The following FBXW11 variants were observed in gnomAD, a reference collection of about 807,000 sequenced individuals.
The protein encoded by FBXW11 is F-box and WD repeat domain containing 11.
In FBXW11, 19 loss-of-function variants were observed where a neutral mutation model predicts 77.6. The ratio of observed to expected loss-of-function variants is 0.24; its 90% CI spans 0.17 to 0.36. FBXW11 has a LOEUF of 0.36. Among genes scored for constraint, FBXW11 ranks in the 10% least tolerant of loss-of-function variants. FBXW11 has a pLI of 1.00. For missense variants in FBXW11, 334 were observed against 704.2 expected (o/e 0.47, Z 5.95); for synonymous variants, 235 against 249.4 (o/e 0.94, Z 0.54).
At chr5:171,903,223 A>G (rs1760257130) in intron 4 of FBXW11, among the ~76,000 whole-genome samples, 1 of 152,070 alleles carries the variant, frequency 6.6e-6, no homozygotes, top group Admixed American at 6.5e-5. Context: ...CAACCTCCCA[A>G]GTAACTAGGA....
chr5:171,960,917 A>C (rs1763873297), intron 1 of FBXW11, among the ~76,000 whole-genome samples: 1 of 152,216 alleles, frequency 6.6e-6, no homozygotes, highest in African/African-American at 2.4e-5. Context: ...GATTTTTAAA[A>C]GACCCTCTGA....
At chr5:171,932,806 T>C (rs1016329508) in intron 2 of FBXW11, among the ~76,000 whole-genome samples, 3 of 151,934 alleles carry the variant, frequency 2.0e-5, no homozygotes, top group African/African-American at 7.3e-5. Flanking sequence ...GCCAAAATGT[T>C]CTTCAATAGG....
chr5:171,917,252 T>A (rs1226772425), intron 2 of FBXW11, among the ~76,000 whole-genome samples: 1 of 152,182 alleles, frequency 6.6e-6, no homozygotes, highest in African/African-American at 2.4e-5. Context: ...CTAAAAGCTT[T>A]TGAAATATAG....
At position 171,899,016 on chromosome 5, in the gene FBXW11, G is replaced by A. The variant is rs938503600; in HGVS notation, c.702C>T (p.Ile234=). ...SFYRSLYPKI[I]QDIETIESNW... The stretch of plus-strand genomic sequence containing the variant: ...ATCATAAAGTTACCTCTATATCCTG[G>A]ATAATCTTTGGGTATAATGACCTAT... Residue 234 remains isoleucine, a synonymous_variant, in exon 6 of 14, where the codon ATC becomes ATT. Coordinates refer to ENST00000517395, the MANE Select transcript of FBXW11 (RefSeq NM_001378974.1). 9 of 1,596,778 alleles carry A rather than the reference G, an allele frequency of 5.6e-6. No individual in the cohort carries two copies. In the African/African-American group the frequency reaches 1.1e-4, roughly 19 times the overall value.
chr5:171,998,828 G>A (rs980663008), intron 1 of FBXW11, among the ~76,000 whole-genome samples: 4 of 148,748 alleles, frequency 2.7e-5, no homozygotes, highest in Non-Finnish European at 5.9e-5. Context: ...ACTGTGGCAA[G>A]ACATACTATA....
intron 2 of FBXW11, among the ~76,000 whole-genome samples, chr5:171,953,269 T>C (rs1446101194): frequency 6.6e-6 from 1 of 152,166 alleles, no homozygotes; most frequent in Non-Finnish European, 1.5e-5. Context: ...GCACTGGAAT[T>C]ATAGGGGTAA....
In FBXW11 at chr5:171,899,056, G is replaced by A; in HGVS notation, c.662C>T (p.Pro221Leu). 2 of 1,609,276 alleles carry A rather than the reference G, an allele frequency of 1.2e-6. No homozygotes were observed. The highest frequency in any genetic ancestry group is 1.3e-5 in the African/African-American group (1 of 74,850). ...TAATGACCTATAAAATGAATTTGGA[G>A]GGCCATCTGTGGGTCTGTTTTTAAA... is the stretch of plus-strand genomic sequence containing the variant. ...YLFKNRPTDG[P>L]PNSFYRSLYP... The change falls in exon 6 of 14, where the codon CCT (proline) becomes CTT (leucine). Residue 221 changes from proline to leucine, a missense_variant. Transcript: ENST00000517395.
intron 1 of FBXW11, among the ~76,000 whole-genome samples, chr5:171,987,641 C>T (rs949378854): frequency 5.3e-5 from 8 of 152,008 alleles, no homozygotes; most frequent in African/African-American, 4.8e-5. Flanking sequence ...TTTAGTGAGA[C>T]GGGGTTTCGC....
Position 171,869,868 on chromosome 5 carries a change from T to C in FBXW11, c.1452-61A>G. 2 of 1,180,124 alleles carry C rather than the reference T, an allele frequency of 1.7e-6. No homozygotes were observed. The highest frequency in any genetic ancestry group is 2.8e-5 in the South Asian group (2 of 72,338). The allele number at this position is 1,180,124 out of a possible 1,614,324, so 73.1% of individuals were successfully genotyped here. A position where few individuals can be genotyped will look rare whatever the true frequency, so the allele number is the denominator to read the frequency against. On this transcript the variant is annotated intron_variant, in intron 11 of 13. Coordinates refer to ENST00000517395, the MANE Select transcript of FBXW11 (RefSeq NM_001378974.1). The surrounding 1 kb of genome is among the most constrained non-coding windows in gnomAD (Gnocchi z 4.1). ...TGAACAATTTATATGCTGTCAAACA[T>C]TTCCTTGAAAAAAAGTAGTGCATCT...
chr5:171,869,710 G>GT lies in FBXW11; in HGVS notation c.1530+18dup. 1 of 1,591,766 alleles carries GT rather than the reference G, an allele frequency of 6.3e-7. No homozygotes were observed. The highest frequency in any genetic ancestry group is 8.6e-7 in the Non-Finnish European group (1 of 1,166,474). On this transcript the variant is annotated intron_variant, in intron 12 of 13. Transcript: ENST00000517395. The surrounding 1 kb of genome is among the most constrained non-coding windows in gnomAD (Gnocchi z 4.1). The stretch of plus-strand genomic sequence containing the variant: ...CCTCCAGCACAGGGAACCAATTCCC[G>GT]TCTCAAGAGATCACATACCACCAAT...
chr5:171,945,810 T>A lies in FBXW11; in HGVS notation c.147+11787A>T, dbSNP rs375341211. On this transcript the variant is annotated intron_variant, in intron 2 of 13. Transcript: ENST00000517395. ...CTGGCTTAACAAGATTAATATTATT[T>A]TTACTAACCTCATACTCACCTTTTC... 1.7e-4 allele frequency among the ~76,000 whole-genome samples: 26 copies of A among 152,318 alleles called. No homozygotes were observed. In the South Asian group the frequency reaches 5.2e-3, roughly 30 times the overall value.
intron 2 of FBXW11, among the ~76,000 whole-genome samples, chr5:171,950,632 T>C (rs1763260765): frequency 6.6e-6 from 1 of 152,182 alleles, no homozygotes; most frequent in African/African-American, 2.4e-5. Flanking sequence ...ATGCCTGTAA[T>C]CCCAGCACTT....
intron 1 of FBXW11, among the ~76,000 whole-genome samples, chr5:171,993,132 T>C (rs972908904): frequency 4.6e-5 from 7 of 151,630 alleles, no homozygotes; most frequent in African/African-American, 1.7e-4. Flanking sequence ...AAAACCACCA[T>C]CCCTAAAAGT....
intron 1 of FBXW11, among the ~76,000 whole-genome samples, chr5:171,983,226 T>C (rs1362910259): frequency 6.6e-6 from 1 of 152,060 alleles, no homozygotes; most frequent in Non-Finnish European, 1.5e-5. Flanking sequence ...GACAGGGTTC[T>C]AGACAGATGA....
chr5:171,926,248 A>C (rs1371427521), intron 2 of FBXW11, among the ~76,000 whole-genome samples: 1 of 152,208 alleles, frequency 6.6e-6, no homozygotes, highest in Non-Finnish European at 1.5e-5. Context: ...AAGGTCCAGC[A>C]GTGCTGTATT....
chr5:172,000,163 A>G (rs1766326783), intron 1 of FBXW11, among the ~76,000 whole-genome samples: 1 of 152,250 alleles, frequency 6.6e-6, no homozygotes, highest in South Asian at 2.1e-4. Context: ...TTCAATGAAC[A>G]ATACAACTCA....
Position 171,910,731 on chromosome 5 carries a change from C to G in FBXW11, c.277G>C (p.Glu93Gln). The change falls in exon 4 of 14, where the codon GAA becomes CAA. Residue 93 changes from glutamate to glutamine, a missense_variant. Physicochemically the swap from Glu to Gln is conservative, Grantham distance 29. Around this residue, in one of 10 missense-constraint regions of FBXW11, gnomAD observed 56 missense variants for 144.9 expected, o/e 0.39. Coordinates refer to ENST00000517395, the MANE Select transcript of FBXW11 (RefSeq NM_001378974.1). Reference sequence around the variant, plus strand: ...AAATATTTAATACACAAGTCTTTTTCTTTTTGATAGTTTCCTTCTGATGGC... The same window carrying G: ...AAATATTTAATACACAAGTCTTTTTGTTTTTGATAGTTTCCTTCTGATGGC... The part of the protein sequence containing the change: ...KRPSEGNYQK[E>Q]KDLCIKYFDQ... 2 of 1,613,498 alleles carry G rather than the reference C, an allele frequency of 1.2e-6. No individual in the cohort carries two copies. The highest frequency in any genetic ancestry group is 1.7e-6 in the Non-Finnish European group (2 of 1,179,772).
At chr5:171,880,979 G>A (rs930832097) in intron 7 of FBXW11, among the ~76,000 whole-genome samples, 2 of 152,204 alleles carry the variant, frequency 1.3e-5, no homozygotes, top group African/African-American at 4.8e-5. Context: ...TTATAGGCGT[G>A]AGCCACCGCG....
chr5:171,947,284 T>G (rs1763063597), intron 2 of FBXW11, among the ~76,000 whole-genome samples: 1 of 152,206 alleles, frequency 6.6e-6, no homozygotes, highest in African/African-American at 2.4e-5. Context: ...GATTTTTAAT[T>G]TACTCTTTGT....
Sources: gnomAD v4.1 joint callset for allele counts (sites outside exome capture counted in the v4.1 genomes callset) on GRCh38, gnomAD v4.1.1 for gene constraint, gnomAD v4.1.1 regional missense constraint, Gnocchi (gnomAD v3.1) non-coding constraint, MANE v1.5 for transcripts, NCBI Gene and HGNC (gene_info 2026-07-23, HGNC 2026-07-21) for gene names.